Variants in MDN1 observed in about 807,000 individuals in gnomAD.
MDN1 encodes the protein midasin AAA ATPase 1, also known as midasin.
MDN1 carries 266 observed loss-of-function variants against 669.2 expected under a neutral mutation model. That is an observed-to-expected ratio of 0.40 (90% CI 0.36 to 0.44). The LOEUF is 0.44. Ranked by LOEUF, MDN1 falls within the 20% of genes least tolerant of loss-of-function variation. The pLI, the probability that MDN1 is intolerant of heterozygous loss-of-function variation, is 1.00. For synonymous variants in MDN1, 2,385 were observed against 2,457.1 expected (o/e 0.97, Z 0.87); for missense variants, 5,940 against 6,754.0 (o/e 0.88, Z 4.22).
Position 89,675,504 on chromosome 6 carries a change from G to A in MDN1, c.12721C>T (p.Arg4241Cys), listed in dbSNP as rs745760977. 138 of 1,613,742 alleles carry A rather than the reference G, an allele frequency of 8.6e-5. No individual in the cohort carries two copies. The highest frequency in any genetic ancestry group is 1.1e-4 in the Non-Finnish European group (131 of 1,180,022). The change falls in exon 78 of 102, where the codon CGC becomes TGC. Residue 4241 changes from arginine to cysteine, a missense_variant. By Grantham distance (180) the Arg-to-Cys change is radical. This residue lies in a region of MDN1 where 2,280 missense variants were observed against 2,576.3 expected (regional missense o/e 0.88). Coordinates refer to ENST00000369393, the MANE Select transcript of MDN1 (RefSeq NM_014611.3). ...HLMKMLVRQR[R>C]SLTTLSEQWI... The stretch of plus-strand genomic sequence containing the variant: ...TGCTCACTGAGCGTGGTCAGGGAGC[G>A]CCGCTGTCGGACGAGCATCTTCATC...
In MDN1 at chr6:89,787,843, C is replaced by T. The variant is rs1210194326; in HGVS notation, c.1334+11G>A. ...CTCCAGAGTGAAAACAGAAAGGTTA[C>T]TAGTACATACCTCCTGGTTGCAAAA... is the stretch of plus-strand genomic sequence containing the variant. On this transcript the variant is annotated intron_variant, in intron 8 of 101. Coordinates refer to ENST00000369393, the MANE Select transcript of MDN1 (RefSeq NM_014611.3). 3.1e-6 allele frequency: 5 copies of T among 1,599,678 alleles called. No individual in the cohort carries two copies. Among genetic ancestry groups the T allele is most frequent in the Non-Finnish European group, 2.6e-6 (3 of 1,169,906 alleles).
intron 73 of MDN1, among the ~76,000 whole-genome samples, 179 bp downstream of exon 73, chr6:89,682,953 A>AC (rs1473079616): frequency 4.6e-5 from 7 of 151,412 alleles, no homozygotes; most frequent in East Asian, 1.9e-4. Context: ...AAAAAAAAAA[A>AC]CCCCAAGATT....
intron 45 of MDN1, 119 bp from the exon 46 acceptor site, chr6:89,714,870 C>G: frequency 1.3e-6 from 1 of 791,686 alleles, no homozygotes; most frequent in Non-Finnish European, 2.0e-6. Flanking sequence ...AGAATTCACA[C>G]CAAGGATCTT....
rs1261752537 is a variant in MDN1 at position 89,676,934 on chromosome 6, G to A, written c.12539+636C>T. 2.9e-5 allele frequency among the ~76,000 whole-genome samples: 4 copies of A among 140,010 alleles called. No individual in the cohort carries two copies. In the East Asian group the frequency reaches 6.6e-4, roughly 23 times the overall value. 91.9% of individuals were successfully genotyped at this position (140,010 alleles called of 152,430 possible). A position where few individuals can be genotyped will look rare whatever the true frequency, so the allele number is the denominator to read the frequency against. On this transcript the variant is annotated intron_variant, in intron 76 of 101. Transcript: ENST00000369393. ...CTTATGAGGAGTGTATGTATATAGA[G>A]CAACTAAAAATATACCATTTTCTAA...
intron 22 of MDN1, 131 bp from the exon 23 acceptor site, chr6:89,751,713 G>T: frequency 1.1e-6 from 1 of 929,998 alleles, no homozygotes; most frequent in Non-Finnish European, 1.6e-6. Context: ...AAAACTGGAT[G>T]AAATATGAAC....
intron 1 of MDN1, among the ~76,000 whole-genome samples, chr6:89,813,131 G>C (rs1437960462): frequency 6.6e-6 from 1 of 152,126 alleles, no homozygotes; most frequent in African/African-American, 2.4e-5. Flanking sequence ...GTAGAGAAGG[G>C]GTTTCTCCAT....
rs1818887191 is a variant in MDN1, at chr6:89,785,117, G to A, written c.1344C>T (p.Ser448=). 1 of 1,611,010 alleles carries A rather than the reference G, an allele frequency of 6.2e-7. No individual in the cohort carries two copies. The highest frequency in any genetic ancestry group is 1.7e-5 in the Admixed American group (1 of 59,698). The change falls in exon 9 of 102, where the codon AGC becomes AGT. Residue 448 remains serine (S), a synonymous_variant. Transcript: ENST00000369393. ...GCGGTCGATACCAATTTCCTCCACA[G>A]CTCAAGAGTCTACGTTTCAAAATAA... ...FQFFATRRLL[S]CGGNWYRPLN... is the part of the protein sequence containing the mutation.
At chr6:89,740,986 C>T (rs1321184187) in intron 31 of MDN1, among the ~76,000 whole-genome samples, 2 of 152,214 alleles carry the variant, frequency 1.3e-5, no homozygotes, top group Admixed American at 1.3e-4. Context: ...AATCCCAGCA[C>T]TTTGGAAGGC....
chr6:89,650,886 C>G, intron 95 of MDN1, 39 bp from the exon 96 acceptor site: 1 of 1,549,594 alleles, frequency 6.5e-7, no homozygotes, highest in Non-Finnish European at 8.9e-7. Context: ...CTCAGAATGT[C>G]AGAGCCAACC....
chr6:89,715,652 C>G lies in MDN1; in HGVS notation c.6860+1G>C. 6.3e-7 allele frequency: 1 copy of G among 1,575,988 alleles called. No homozygotes were observed. Among genetic ancestry groups the G allele is most frequent in the Non-Finnish European group, 8.7e-7 (1 of 1,145,370 alleles). ...GGCAGAAATGTAAGAGATACAAATA[C>G]CTGAAATTGGGATTTGGTGTTATCG... On this transcript the variant is annotated splice_donor_variant, in intron 45 of 101. Coordinates refer to ENST00000369393, the MANE Select transcript of MDN1 (RefSeq NM_014611.3). LOFTEE classifies it high-confidence loss of function.
At chr6:89,815,911 C>A (rs1201026739) in intron 1 of MDN1, among the ~76,000 whole-genome samples, 1 of 152,200 alleles carries the variant, frequency 6.6e-6, no homozygotes, top group South Asian at 2.1e-4. Flanking sequence ...CAGGCTTAAA[C>A]CCTGGGCTCA....
At position 89,780,297 on chromosome 6, in the gene MDN1, T is replaced by A. The variant is rs764676969; in HGVS notation, c.1644-4A>T. On this transcript the variant is annotated splice_region_variant and splice_polypyrimidine_tract_variant and intron_variant, in intron 10 of 101. Coordinates refer to ENST00000369393, the MANE Select transcript of MDN1 (RefSeq NM_014611.3). ...ATTACACCAATTCAGCAGATCCCTT[T>A]AAAAAAAAGAAAGAAAAGAAAAAAC... The A allele has an allele frequency of 5.9e-6, 9 of 1,535,188 alleles. No individual in the cohort carries two copies. Among genetic ancestry groups the A allele is most frequent in the Admixed American group, 4.2e-5 (2 of 47,382 alleles).
At chr6:89,762,116 A>G (rs1817575433) in intron 16 of MDN1, among the ~76,000 whole-genome samples, 1 of 152,204 alleles carries the variant, frequency 6.6e-6, no homozygotes, top group South Asian at 2.1e-4. Flanking sequence ...TGACCACTAA[A>G]TAGTACTTGC....
intron 1 of MDN1, chr6:89,815,418 TG>T: frequency 2.7e-6 from 1 of 371,082 alleles, no homozygotes; most frequent in South Asian, 2.1e-5. Flanking sequence ...AAGCCCTGTC[TG>T]ACCACCAAGG....
intron 15 of MDN1, among the ~76,000 whole-genome samples, chr6:89,765,133 C>A (rs1368012254): frequency 6.6e-6 from 1 of 152,116 alleles, no homozygotes; most frequent in African/African-American, 2.4e-5. Context: ...TGGCGGGCGC[C>A]TATAGTCCCA....
chr6:89,819,750 A>G lies in MDN1; in HGVS notation c.-143T>C. The stretch of plus-strand genomic sequence containing the variant: ...CCTCAGCTCCAGCGCCTACACCGGG[A>G]GAGGGGCACCACACGTGGGTGAGCA... On this transcript the variant is annotated 5_prime_UTR_variant, in exon 1 of 102. Coordinates refer to ENST00000369393, the MANE Select transcript of MDN1 (RefSeq NM_014611.3). 1.5e-6 allele frequency: 1 copy of G among 659,238 alleles called. No individual in the cohort carries two copies. Among genetic ancestry groups the G allele is most frequent in the Non-Finnish European group, 2.7e-6 (1 of 374,108 alleles). 40.8% of individuals were successfully genotyped at this position (659,238 alleles called of 1,614,324 possible). A position where few individuals can be genotyped will look rare whatever the true frequency, so the allele number is the denominator to read the frequency against.
intron 59 of MDN1, 129 bp from the exon 60 acceptor site, chr6:89,696,703 C>G (rs1181335566): frequency 1.5e-6 from 1 of 673,502 alleles, no homozygotes; most frequent in Admixed American, 2.5e-5. Context: ...CACTCAGAGA[C>G]TGGCCTAGAA....
intron 11 of MDN1, among the ~76,000 whole-genome samples, chr6:89,778,357 A>C (rs575531158): frequency 6.6e-6 from 1 of 152,286 alleles, no homozygotes; most frequent in African/African-American, 2.4e-5. Context: ...TTTTAAAGCC[A>C]TAATTCTAAG....
At chr6:89,731,621 C>T (rs1418834217) in intron 34 of MDN1, among the ~76,000 whole-genome samples, 1 of 151,072 alleles carries the variant, frequency 6.6e-6, no homozygotes, top group Admixed American at 6.6e-5. Context: ...GGATGGGGGG[C>T]AAGGGGAGGG....
Sources: allele counts gnomAD v4.1 joint callset (sites outside exome capture counted in the v4.1 genomes callset), GRCh38; gene constraint gnomAD v4.1.1; regional missense constraint gnomAD v4.1.1; transcripts MANE v1.5; gene names NCBI Gene and HGNC (gene_info 2026-07-23, HGNC 2026-07-21).